The following COL13A1 variants were observed in gnomAD, a reference collection of about 807,000 sequenced individuals.
COL13A1 encodes the protein collagen type XIII alpha 1 chain, also known as collagen alpha-1(XIII) chain.
COL13A1 carries 89 observed loss-of-function variants against 130.9 expected under a neutral mutation model. The observed-to-expected ratio is 0.68, with a 90% CI of 0.57 to 0.81. COL13A1 has a LOEUF of 0.81. Among genes scored for constraint, COL13A1 ranks in the 30% least tolerant of loss-of-function variants. The pLI is 0.00. For missense variants in COL13A1, 879 were observed against 934.6 expected, an observed-to-expected ratio of 0.94 and a Z score of 0.78; for synonymous variants, 402 against 341.6, an observed-to-expected ratio of 1.18 and a Z score of -1.95.
intron 17 of COL13A1, among the ~76,000 whole-genome samples, chr10:69,909,727 AC>A: frequency 6.6e-6 from 1 of 152,114 alleles, no homozygotes; most frequent in Middle Eastern, 3.4e-3. Context: ...AGATATCTTG[AC>A]CCCCAGTGAT....
At chr10:69,935,225 G>A in intron 31 of COL13A1, 125 bp from the exon 32 acceptor site, 3 of 779,706 alleles carry the variant, frequency 3.8e-6, no homozygotes, top group South Asian at 3.1e-5. Context: ...GTGCTGGGCA[G>A]TCACTGGCTG....
At chr10:69,870,609 G>A (rs2058973162) in intron 3 of COL13A1, among the ~76,000 whole-genome samples, 1 of 151,846 alleles carries the variant, frequency 6.6e-6, no homozygotes, top group Non-Finnish European at 1.5e-5. Context: ...TACATTTTAA[G>A]GAAGAAATTA....
intron 17 of COL13A1, among the ~76,000 whole-genome samples, chr10:69,916,358 G>T (rs2063921022): frequency 6.6e-6 from 1 of 152,202 alleles, no homozygotes; most frequent in African/African-American, 2.4e-5. Context: ...GCAGTCACCT[G>T]TTGCTGGACA....
At chr10:69,920,352 T>C (rs180877158) in intron 21 of COL13A1, among the ~76,000 whole-genome samples, 1 of 152,344 alleles carries the variant, frequency 6.6e-6, no homozygotes, top group Admixed American at 6.5e-5. Flanking sequence ...AAGCTTCTTG[T>C]GCTGACCTGA....
intron 1 of COL13A1, among the ~76,000 whole-genome samples, chr10:69,820,023 T>C (rs1845653682): frequency 6.6e-6 from 1 of 152,192 alleles, no homozygotes; most frequent in Non-Finnish European, 1.5e-5. Flanking sequence ...TTCCTCCAAA[T>C]ACCGCATGAC....
At chr10:69,949,142 A>G (rs539538166) in intron 38 of COL13A1, among the ~76,000 whole-genome samples, 1 of 152,238 alleles carries the variant, frequency 6.6e-6, no homozygotes, top group Admixed American at 6.5e-5. Flanking sequence ...GGATGCCCAA[A>G]TGTCCTGGAA....
chr10:69,918,270 T>C lies in COL13A1; in HGVS notation c.967-15T>C, dbSNP rs768962460. The C allele has an allele frequency of 1.6e-5, 25 of 1,611,184 alleles. No homozygotes were observed. The highest frequency in any genetic ancestry group is 3.3e-5 in the South Asian group (3 of 90,946). ...GCAGAATGTCTTCAGACCTTTTTTTTTCTCTCTCTGCCAGGGGGCGCCCGG... is the reference window on the plus strand; with the variant it reads ...GCAGAATGTCTTCAGACCTTTTTTTCTCTCTCTCTGCCAGGGGGCGCCCGG... On this transcript the variant is annotated splice_polypyrimidine_tract_variant and intron_variant, in intron 18 of 40. Coordinates refer to ENST00000645393, the MANE Select transcript of COL13A1 (RefSeq NM_001368882.1).
At chr10:69,823,302 G>A (rs1442811971) in intron 2 of COL13A1, among the ~76,000 whole-genome samples, 2 of 152,226 alleles carry the variant, frequency 1.3e-5, no homozygotes, top group Non-Finnish European at 2.9e-5. Flanking sequence ...TAAGCCATGA[G>A]AGTGACAGAT....
At chr10:69,928,577 C>T (rs1169766813) in intron 27 of COL13A1, among the ~76,000 whole-genome samples, 1 of 152,100 alleles carries the variant, frequency 6.6e-6, no homozygotes, top group Non-Finnish European at 1.5e-5. Context: ...CCATGCATTC[C>T]CCTGTTGATG....
chr10:69,937,715 C>T lies in COL13A1; in HGVS notation c.1878C>T (p.Pro626=), dbSNP rs201399235. Residue 626 remains proline, a splice_region_variant and synonymous_variant, in exon 34 of 41, where the codon CCC becomes CCT. Transcript: ENST00000645393. ...GAGACCGTGGTCCCCTGGGACTACC[C>T]GTAAGTACCTTGGACCCAGCAAGAC... ...EKGDRGPLGL[P]GASGLDGRPG... is the part of the protein sequence containing the mutation. 2.4e-4 allele frequency: 354 copies of T among 1,475,708 alleles called. No individual in the cohort carries two copies. Among genetic ancestry groups the T allele is most frequent in the Non-Finnish European group, 2.2e-4 (236 of 1,054,054 alleles). 91.4% of individuals were successfully genotyped at this position (1,475,708 alleles called of 1,614,324 possible).
chr10:69,946,090 C>CTAA (rs2068484783), intron 37 of COL13A1, among the ~76,000 whole-genome samples: 1 of 108,334 alleles, frequency 9.2e-6, no homozygotes, highest in African/African-American at 3.6e-5. Context: ...ACACACAAAC[C>CTAA]AAAAAAAAAA....
Position 69,851,580 on chromosome 10 carries a change from G to A in COL13A1, c.365-16218G>A, listed in dbSNP as rs140376561. Among the ~76,000 whole-genome samples the A allele has an allele frequency of 6.2e-3, 950 of 152,334 alleles. 11 individuals carry two copies. Among genetic ancestry groups the A allele is most frequent in the African/African-American group, 0.022 (906 of 41,582 alleles). ...CATGTGGCTATTCAACACTTAAAAT[G>A]TGGCTAGTGAGGCTGAGGAACTGAA... is the stretch of plus-strand genomic sequence containing the variant. On this transcript the variant is annotated intron_variant, in intron 2 of 40. Transcript: ENST00000645393.
intron 2 of COL13A1, among the ~76,000 whole-genome samples, chr10:69,854,553 G>A (rs1215671582): frequency 7.9e-6 from 1 of 127,260 alleles, no homozygotes; most frequent in Non-Finnish European, 1.7e-5. Context: ...AGTCTTTTGA[G>A]ACCCTGTCTC....
intron 4 of COL13A1, among the ~76,000 whole-genome samples, chr10:69,873,010 G>A (rs2059224160): frequency 6.6e-6 from 1 of 152,162 alleles, no homozygotes; most frequent in Non-Finnish European, 1.5e-5. Context: ...CTGGGGCATG[G>A]ATGAGTTGAG....
At chr10:69,854,345 C>T (rs148625560) in intron 2 of COL13A1, among the ~76,000 whole-genome samples, 13 of 152,292 alleles carry the variant, frequency 8.5e-5, no homozygotes, top group African/African-American at 1.7e-4. Flanking sequence ...GCTGGTAGAT[C>T]GCTGGAGTTC....
chr10:69,890,496 C>T (rs1040036450), intron 10 of COL13A1, among the ~76,000 whole-genome samples: 6 of 152,284 alleles, frequency 3.9e-5, no homozygotes, highest in Non-Finnish European at 7.3e-5. Context: ...GTGAAAGCAA[C>T]GCAGCAGGCT....
At chr10:69,847,762 G>A (rs1330987253) in intron 2 of COL13A1, among the ~76,000 whole-genome samples, 2 of 152,172 alleles carry the variant, frequency 1.3e-5, no homozygotes, top group African/African-American at 2.4e-5. Context: ...AAGCAGCAGG[G>A]GAAGGCTCTG....
chr10:69,815,319 G>A (rs975565932), intron 1 of COL13A1, among the ~76,000 whole-genome samples: 3 of 152,200 alleles, frequency 2.0e-5, no homozygotes, highest in African/African-American at 4.8e-5. Flanking sequence ...ACATTCTCTG[G>A]GGGGAGTGAG....
intron 12 of COL13A1, 115 bp from the exon 13 acceptor site, chr10:69,895,435 G>A: frequency 8.8e-7 from 1 of 1,130,840 alleles, no homozygotes; most frequent in Non-Finnish European, 1.3e-6. Flanking sequence ...ACTAGAGCAG[G>A]AGGGCTGGTG....
Sources: gnomAD v4.1 joint callset for allele counts (sites outside exome capture counted in the v4.1 genomes callset) on GRCh38, gnomAD v4.1.1 for gene constraint, MANE v1.5 for transcripts, NCBI Gene and HGNC (gene_info 2026-07-23, HGNC 2026-07-21) for gene names.